Variants in RAB3C observed in about 807,000 individuals in gnomAD.
RAB3C encodes ras-related protein Rab-3C.
In RAB3C, 17 loss-of-function variants were observed where a neutral mutation model predicts 26.4. That is an observed-to-expected ratio of 0.64 (90% CI 0.44 to 0.97). The LOEUF (loss-of-function observed/expected upper bound fraction) is 0.97. Ranked by LOEUF, RAB3C falls within the 50% of genes least tolerant of loss-of-function variation. The pLI is 0.00. For synonymous variants in RAB3C, 91 were observed against 95.9 expected (o/e 0.95, Z 0.30); for missense variants, 242 against 281.9 (o/e 0.86, Z 1.01).
intron 4 of RAB3C, among the ~76,000 whole-genome samples, chr5:58,845,482 G>A (rs186026611): frequency 1.3e-5 from 2 of 151,398 alleles, no homozygotes; most frequent in African/African-American, 2.4e-5. Context: ...ACCATTTTGT[G>A]GTAGGGGATT....
intron 1 of RAB3C, among the ~76,000 whole-genome samples, chr5:58,605,750 T>G (rs559479445): frequency 6.6e-6 from 1 of 152,118 alleles, no homozygotes; most frequent in South Asian, 2.1e-4. Context: ...ATACAAAAAT[T>G]AGCCGAATGT....
chr5:58,828,998 G>A (rs10040132), intron 4 of RAB3C, among the ~76,000 whole-genome samples: 24,885 of 150,704 alleles, frequency 0.17, 2,278 homozygotes, highest in Non-Finnish European at 0.21. Flanking sequence ...CTGCCTCCTG[G>A]GTTCAAGCGA....
intron 3 of RAB3C, among the ~76,000 whole-genome samples, chr5:58,785,787 T>C (rs1742366176): frequency 6.6e-6 from 1 of 152,264 alleles, no homozygotes; most frequent in Non-Finnish European, 1.5e-5. Flanking sequence ...ATCAACTGAC[T>C]TCAAAATAGA....
At chr5:58,739,030 C>T (rs910273031) in intron 3 of RAB3C, among the ~76,000 whole-genome samples, 2 of 152,146 alleles carry the variant, frequency 1.3e-5, no homozygotes, top group Non-Finnish European at 2.9e-5. Flanking sequence ...TTTTGGTGGG[C>T]ATTATAATGA....
At chr5:58,624,172 T>C (rs550201441) in intron 2 of RAB3C, among the ~76,000 whole-genome samples, 1 of 152,260 alleles carries the variant, frequency 6.6e-6, no homozygotes, top group African/African-American at 2.4e-5. Flanking sequence ...CATATAATGG[T>C]AGAGCACGCC....
chr5:58,602,755 G>A (rs1362184364), intron 1 of RAB3C, among the ~76,000 whole-genome samples: 20 of 152,176 alleles, frequency 1.3e-4, no homozygotes, highest in Admixed American at 9.8e-4. Context: ...GTCTCCTAAA[G>A]GCAGGAGATA....
intron 1 of RAB3C, among the ~76,000 whole-genome samples, chr5:58,611,065 T>A (rs886115972): frequency 6.6e-5 from 10 of 152,118 alleles, no homozygotes; most frequent in Non-Finnish European, 1.5e-4. Flanking sequence ...CTCCATCCCA[T>A]GTTCCTGCAA....
chr5:58,704,144 C>A (rs1443315981), intron 2 of RAB3C, among the ~76,000 whole-genome samples: 1 of 152,186 alleles, frequency 6.6e-6, no homozygotes, highest in Admixed American at 6.5e-5. Context: ...CTATTTTAAG[C>A]CACTATTTCA....
intron 2 of RAB3C, among the ~76,000 whole-genome samples, chr5:58,685,709 A>C (rs1748431781): frequency 6.6e-6 from 1 of 152,174 alleles, no homozygotes; most frequent in Non-Finnish European, 1.5e-5. Flanking sequence ...CCAGACTGTT[A>C]TTGAGTATCT....
chr5:58,771,411 T>A (rs1443435215), intron 3 of RAB3C, among the ~76,000 whole-genome samples: 2 of 152,094 alleles, frequency 1.3e-5, no homozygotes, highest in East Asian at 1.9e-4. Context: ...ACATAAAGAA[T>A]CCATCAAAAT....
intron 2 of RAB3C, among the ~76,000 whole-genome samples, chr5:58,669,173 T>C (rs937677470): frequency 6.6e-6 from 1 of 152,062 alleles, no homozygotes; most frequent in Admixed American, 6.6e-5. Flanking sequence ...GCCATAGCAA[T>C]TTCCCTAGTA....
intron 2 of RAB3C, among the ~76,000 whole-genome samples, chr5:58,681,028 T>A (rs1018233338): frequency 7.2e-5 from 11 of 152,168 alleles, no homozygotes; most frequent in African/African-American, 2.4e-4. Context: ...AAATTTTTTT[T>A]AATTTTTGTG....
At chr5:58,796,039 A>G (rs192830438) in intron 3 of RAB3C, among the ~76,000 whole-genome samples, 5 of 152,274 alleles carry the variant, frequency 3.3e-5, no homozygotes, top group African/African-American at 4.8e-5. Flanking sequence ...ATCTCCTCCA[A>G]TCAGGTTCAC....
chr5:58,661,232 C>T (rs1747900054), intron 2 of RAB3C, among the ~76,000 whole-genome samples: 1 of 150,218 alleles, frequency 6.7e-6, no homozygotes, highest in African/African-American at 2.5e-5. Context: ...TTGTGACCTA[C>T]TGCAGGTATT....
chr5:58,683,743 A>C (rs1012415664), intron 2 of RAB3C, among the ~76,000 whole-genome samples: 3 of 152,204 alleles, frequency 2.0e-5, no homozygotes, highest in African/African-American at 7.2e-5. Context: ...CTAGGACATG[A>C]GTCATCCCTT....
intron 1 of RAB3C, among the ~76,000 whole-genome samples, chr5:58,606,515 G>A (rs1225283887): frequency 6.6e-6 from 1 of 152,232 alleles, no homozygotes; most frequent in Non-Finnish European, 1.5e-5. Context: ...AAACGTCCCT[G>A]TCTGACAGCT....
chr5:58,735,355 A>C (rs1741110615), intron 3 of RAB3C, among the ~76,000 whole-genome samples: 1 of 152,206 alleles, frequency 6.6e-6, no homozygotes, highest in Non-Finnish European at 1.5e-5. Flanking sequence ...ATGGGTGTTG[A>C]TTTTGAGGTT....
intron 3 of RAB3C, among the ~76,000 whole-genome samples, chr5:58,802,890 T>C (rs1701920733): frequency 6.6e-6 from 1 of 152,216 alleles, no homozygotes; most frequent in South Asian, 2.1e-4. Context: ...ACAAGTTCTT[T>C]CCAGCTTGCT....
chr5:58,703,180 T>G (rs1189770887), intron 2 of RAB3C, among the ~76,000 whole-genome samples: 1 of 152,210 alleles, frequency 6.6e-6, no homozygotes, highest in African/African-American at 2.4e-5. Context: ...TTATTCTTTT[T>G]TTTTGTTTGT....
Sources: allele counts gnomAD v4.1 joint callset (sites outside exome capture counted in the v4.1 genomes callset), GRCh38; gene constraint gnomAD v4.1.1; transcripts MANE v1.5; gene names NCBI Gene and HGNC (gene_info 2026-07-23, HGNC 2026-07-21).